GNL2: variants seen among roughly 807,000 people sequenced by gnomAD.
GNL2 encodes G protein nucleolar 2.
In GNL2, 51 loss-of-function variants were observed where a neutral mutation model predicts 92.3. The ratio of observed to expected loss-of-function variants is 0.55; its 90% CI spans 0.44 to 0.70. GNL2 has a LOEUF of 0.70. GNL2 is among the 30% of genes least tolerant of loss of function. The probability of loss-of-function intolerance (pLI) is 0.00; values close to 1 mark genes in which losing one functional copy is unlikely to be tolerated. For synonymous variants in GNL2, 283 were observed against 300.6 expected (o/e 0.94, Z 0.61); for missense variants, 844 against 895.6 (o/e 0.94, Z 0.74).
chr1:37,595,705 C>A, intron 1 of GNL2, 54 bp downstream of exon 1: 1 of 1,470,798 alleles, frequency 6.8e-7, no homozygotes, highest in African/African-American at 1.4e-5. Flanking sequence ...CTCCTCGGAG[C>A]CCTTCCCTAT....
Position 37,576,409 on chromosome 1 carries a change from C to T in GNL2, c.1038+19G>A. 6.2e-7 allele frequency: 1 copy of T among 1,607,566 alleles called. No individual in the cohort carries two copies. The highest frequency in any genetic ancestry group is 8.5e-7 in the Non-Finnish European group (1 of 1,176,780). ...AAAAGAAAATATGCAAAAGTAAGGTCACCCTGCGCCCAACGTACCTTTGTT... is the reference window on the plus strand; with the variant it reads ...AAAAGAAAATATGCAAAAGTAAGGTTACCCTGCGCCCAACGTACCTTTGTT... On this transcript the variant is annotated intron_variant, in intron 9 of 15. Transcript: ENST00000373062.
chr1:37,590,339 C>T (rs768846795), intron 4 of GNL2, among the ~76,000 whole-genome samples: 1 of 152,208 alleles, frequency 6.6e-6, no homozygotes, highest in Non-Finnish European at 1.5e-5. Context: ...AACTCCTGAC[C>T]TCAGGTGATC....
chr1:37,576,169 G>C (rs1231930387), intron 9 of GNL2: 1 of 385,824 alleles, frequency 2.6e-6, no homozygotes, highest in African/African-American at 2.1e-5. Context: ...AAAGGCTGGA[G>C]TGATAATTTA....
intron 5 of GNL2, among the ~76,000 whole-genome samples, chr1:37,584,964 C>T (rs1486716558): frequency 6.6e-6 from 1 of 151,476 alleles, no homozygotes; most frequent in Non-Finnish European, 1.5e-5. Flanking sequence ...CACCTGTAAT[C>T]CCAGCCACTC....
intron 11 of GNL2, 73 bp from the exon 12 acceptor site, chr1:37,574,529 G>T: frequency 7.0e-7 from 1 of 1,422,062 alleles, no homozygotes; most frequent in Non-Finnish European, 9.9e-7. Context: ...GGGTATTTCA[G>T]TTGTCCCAGG....
rs761802577 is a variant in GNL2, at chr1:37,583,973, A to G, written c.570-40T>C. The stretch of plus-strand genomic sequence containing the variant: ...ACCCCAAATGAGCAACTGAAGCACC[A>G]TCAAGACTAAAAGGATGCTTTAGGG... On this transcript the variant is annotated intron_variant, in intron 5 of 15. Transcript: ENST00000373062. 2.7e-6 allele frequency: 3 copies of G among 1,106,218 alleles called. No homozygotes were observed. The African/African-American group carries it at 4.5e-5, about 17-fold the overall frequency. The allele number at this position is 1,106,218 out of a possible 1,614,324, so 68.5% of individuals were successfully genotyped here. A position where few individuals can be genotyped will look rare whatever the true frequency, so the allele number is the denominator to read the frequency against.
At chr1:37,578,616 G>T (rs1444938345) in intron 8 of GNL2, among the ~76,000 whole-genome samples, 1 of 151,374 alleles carries the variant, frequency 6.6e-6, no homozygotes, top group African/African-American at 2.4e-5. Context: ...GAAGTACAGC[G>T]ACACAATCAC....
At chr1:37,568,802 T>C (rs1643548160) in intron 13 of GNL2, 49 bp downstream of exon 13, 1 of 1,430,016 alleles carries the variant, frequency 7.0e-7, no homozygotes, top group South Asian at 1.2e-5. Flanking sequence ...TGGCAAATTT[T>C]TGGGAAAGGA....
chr1:37,576,316 C>T, intron 9 of GNL2, 112 bp downstream of exon 9: 1 of 935,024 alleles, frequency 1.1e-6, no homozygotes, highest in East Asian at 2.4e-5. Flanking sequence ...GAGCTAAACT[C>T]CTAGTGGTGG....
chr1:37,584,839 T>A (rs1643827359), intron 5 of GNL2, among the ~76,000 whole-genome samples: 1 of 151,864 alleles, frequency 6.6e-6, no homozygotes, highest in East Asian at 2.0e-4. Context: ...TCCCAGCACT[T>A]TGGGAGGCTG....
chr1:37,587,242 G>C, intron 5 of GNL2, 69 bp downstream of exon 5: 1 of 1,215,386 alleles, frequency 8.2e-7, no homozygotes, highest in South Asian at 1.5e-5. Context: ...ATTCCAGCCT[G>C]GGCGACAAAG....
chr1:37,568,798 A>G, intron 13 of GNL2, 53 bp downstream of exon 13: 1 of 1,411,996 alleles, frequency 7.1e-7, no homozygotes, highest in Admixed American at 1.8e-5. Flanking sequence ...CTCATGGCAA[A>G]TTTTTGGGAA....
intron 12 of GNL2, among the ~76,000 whole-genome samples, chr1:37,572,086 G>A (rs1643602873): frequency 6.6e-6 from 1 of 152,064 alleles, no homozygotes; most frequent in Middle Eastern, 3.2e-3. Context: ...CATATTAAGG[G>A]CTCTGCTGAA....
chr1:37,593,728 G>A (rs1319692062), intron 2 of GNL2, 34 bp downstream of exon 2: 1 of 1,484,248 alleles, frequency 6.7e-7, no homozygotes, highest in Non-Finnish European at 9.4e-7. Flanking sequence ...GGGCATGAAG[G>A]AAAAGAGAAA....
intron 5 of GNL2, among the ~76,000 whole-genome samples, chr1:37,584,894 A>C (rs1370458053): frequency 6.6e-6 from 1 of 151,840 alleles, no homozygotes; most frequent in Non-Finnish European, 1.5e-5. Context: ...AGCCTGACCA[A>C]CATGGTGAAA....
At chr1:37,581,480 C>T in intron 8 of GNL2, 1 of 456,052 alleles carries the variant, frequency 2.2e-6, no homozygotes, top group Non-Finnish European at 4.4e-6. Flanking sequence ...TGCATGGGCT[C>T]CATGGGCAGA....
In GNL2 at chr1:37,574,751, T is replaced by A. The variant is rs1242649404; in HGVS notation, c.1216A>T (p.Ile406Phe). 1.2e-6 allele frequency: 2 copies of A among 1,613,710 alleles called. No individual in the cohort carries two copies. The highest frequency in any genetic ancestry group is 1.7e-5 in the Admixed American group (1 of 60,024). ...AVLERAKPEY[I>F]SKTYKIDSWE... is the part of the protein sequence containing the mutation. Reference sequence around the variant, plus strand: ...GAATCAATCTTGTATGTTTTGCTGATATATTCTGGCTTTGCTCGTTCAAGT... The same window carrying A: ...GAATCAATCTTGTATGTTTTGCTGAAATATTCTGGCTTTGCTCGTTCAAGT... Residue 406 changes from isoleucine (I) to phenylalanine (F), a missense_variant, in exon 11 of 16, where the codon ATC becomes TTC. By Grantham distance (21) the Ile-to-Phe change is conservative. Transcript: ENST00000373062.
intron 8 of GNL2, among the ~76,000 whole-genome samples, chr1:37,577,085 T>G (rs1643689524): frequency 6.8e-6 from 1 of 148,008 alleles, no homozygotes; most frequent in Non-Finnish European, 1.5e-5. Flanking sequence ...CACTATAGCC[T>G]GGGTGACAGA....
Position 37,595,919 on chromosome 1 carries a change from C to G in GNL2, c.-97G>C. On this transcript the variant is annotated 5_prime_UTR_variant, in exon 1 of 16. Transcript: ENST00000373062. ...CCCGGCCGAAGACACCCGCCTGAAC[C>G]ACGCCGGACCACGTGTGCACGACGT... is the stretch of plus-strand genomic sequence containing the variant. 1.1e-6 allele frequency: 1 copy of G among 925,978 alleles called. No homozygotes were observed. Among genetic ancestry groups the G allele is most frequent in the South Asian group, 1.4e-5 (1 of 73,834 alleles). 57.4% of individuals were successfully genotyped at this position (925,978 alleles called of 1,614,324 possible). A position where few individuals can be genotyped will look rare whatever the true frequency, so the allele number is the denominator to read the frequency against.
Sources: gnomAD v4.1 joint callset for allele counts (sites outside exome capture counted in the v4.1 genomes callset) on GRCh38, gnomAD v4.1.1 for gene constraint, MANE v1.5 for transcripts, NCBI Gene and HGNC (gene_info 2026-07-23, HGNC 2026-07-21) for gene names.